MICAL3: variants seen among roughly 807,000 people sequenced by gnomAD.
MICAL3 encodes microtubule associated monooxygenase, calponin and LIM domain containing 3, also known as [F-actin]-monooxygenase MICAL3.
A neutral mutation model predicts 207.4 loss-of-function variants in MICAL3; 62 were observed. That is an observed-to-expected ratio of 0.30 (90% confidence interval 0.24 to 0.37). The LOEUF (loss-of-function observed/expected upper bound fraction) is 0.37. MICAL3 is among the 10% of genes least tolerant of loss of function. MICAL3 has a pLI of 1.00. For missense variants in MICAL3, 2,368 were observed against 2,635.6 expected (o/e 0.90, Z 2.22); for synonymous variants, 1,077 against 1,069.3 (o/e 1.01, Z -0.14).
chr22:18,021,388 C>A (rs933831127), intron 1 of MICAL3, among the ~76,000 whole-genome samples: 17 of 152,208 alleles, frequency 1.1e-4, no homozygotes, highest in Admixed American at 2.6e-4. Flanking sequence ...ATCCTTCATG[C>A]AGAACTAGTC....
intron 22 of MICAL3, among the ~76,000 whole-genome samples, chr22:17,825,352 G>A (rs1056955644): frequency 6.6e-6 from 1 of 152,124 alleles, no homozygotes; most frequent in Non-Finnish European, 1.5e-5. Flanking sequence ...TGAAATTCAG[G>A]TTAAGACGGA....
intron 1 of MICAL3, among the ~76,000 whole-genome samples, chr22:18,012,713 T>C (rs185628089): frequency 1.1e-3 from 168 of 152,366 alleles, no homozygotes; most frequent in Middle Eastern, 6.8e-3. Flanking sequence ...CGAAGAATGC[T>C]GAGCTAGGAT....
chr22:17,890,824 G>A (rs1415129682), intron 12 of MICAL3, among the ~76,000 whole-genome samples: 1 of 152,192 alleles, frequency 6.6e-6, no homozygotes, highest in East Asian at 1.9e-4. Flanking sequence ...AACAAATGCC[G>A]ATGGGGGAAC....
At chr22:17,990,577 G>C (rs202133737) in intron 1 of MICAL3, among the ~76,000 whole-genome samples, 1 of 152,114 alleles carries the variant, frequency 6.6e-6, no homozygotes, top group South Asian at 2.1e-4. Context: ...ACACACTCCC[G>C]GTCACACACT....
intron 16 of MICAL3, among the ~76,000 whole-genome samples, chr22:17,874,055 G>A (rs896880185): frequency 7.2e-5 from 11 of 152,226 alleles, no homozygotes; most frequent in African/African-American, 2.7e-4. Flanking sequence ...AAGAAACACA[G>A]AAGCACCGGG....
chr22:18,001,919 C>G (rs1602387085), intron 1 of MICAL3, among the ~76,000 whole-genome samples: 1 of 152,182 alleles, frequency 6.6e-6, no homozygotes, highest in African/African-American at 2.4e-5. Context: ...ACTTGTTGGC[C>G]GGGCGCGGTG....
intron 1 of MICAL3, chr22:18,019,387 A>T (rs1177178789): frequency 6.5e-6 from 1 of 154,962 alleles, no homozygotes; most frequent in East Asian, 1.9e-4. Context: ...GAAATAAGAA[A>T]GACCTGCATA....
chr22:17,990,413 C>T (rs867650168), intron 1 of MICAL3, among the ~76,000 whole-genome samples: 1 of 152,180 alleles, frequency 6.6e-6, no homozygotes, highest in Admixed American at 6.5e-5. Flanking sequence ...TCATGAGCAC[C>T]AGTCAGTGAC....
At chr22:17,869,898 C>T (rs866580158) in intron 17 of MICAL3, among the ~76,000 whole-genome samples, 2 of 152,156 alleles carry the variant, frequency 1.3e-5, no homozygotes, top group South Asian at 2.1e-4. Context: ...CAGCACAAGG[C>T]CTCGGTTACT....
chr22:17,874,574 G>GC (rs777122406), intron 16 of MICAL3, among the ~76,000 whole-genome samples: 1 of 152,206 alleles, frequency 6.6e-6, no homozygotes, highest in Non-Finnish European at 1.5e-5. Context: ...CAGCAAGTTG[G>GC]CAACACTGAC....
intron 20 of MICAL3, among the ~76,000 whole-genome samples, chr22:17,835,196 A>T (rs1359697135): frequency 6.6e-6 from 1 of 151,562 alleles, no homozygotes. Context: ...CACAGAAGAC[A>T]GCAGAAAGCA....
intron 1 of MICAL3, among the ~76,000 whole-genome samples, chr22:17,973,542 G>A (rs936220955): frequency 5.3e-5 from 8 of 152,182 alleles, no homozygotes; most frequent in African/African-American, 1.9e-4. Flanking sequence ...CTGTGGAACC[G>A]GGGTGGCAGT....
At chr22:17,820,045 T>C (rs752440389) in intron 25 of MICAL3, among the ~76,000 whole-genome samples, 5 of 150,510 alleles carry the variant, frequency 3.3e-5, no homozygotes, top group African/African-American at 4.9e-5. Context: ...GGCAGGAGGA[T>C]TGCTTGAGCC....
chr22:17,801,357 T>G lies in MICAL3; in HGVS notation c.5650+7487A>C, dbSNP rs376040149. On this transcript the variant is annotated intron_variant, in intron 29 of 31. Coordinates refer to ENST00000441493, the MANE Select transcript of MICAL3 (RefSeq NM_015241.3). ...TTTAGTAGAGACGGGGTTTCACCGTTTTAGCCGGGATGGTCTCGATCTCCT... is the reference window on the plus strand; with the variant it reads ...TTTAGTAGAGACGGGGTTTCACCGTGTTAGCCGGGATGGTCTCGATCTCCT... Among the ~76,000 whole-genome samples, 360 of 61,574 alleles carry G rather than the reference T, an allele frequency of 5.8e-3. 53 individuals are homozygous for G. The highest frequency in any genetic ancestry group is 7.1e-3 in the Non-Finnish European group (253 of 35,856). 40.4% of individuals were successfully genotyped at this position (61,574 alleles called of 152,430 possible).
intron 1 of MICAL3, among the ~76,000 whole-genome samples, chr22:17,962,349 C>A (rs963226238): frequency 6.6e-6 from 1 of 152,218 alleles, no homozygotes; most frequent in East Asian, 1.9e-4. Flanking sequence ...ACAGTGCCAC[C>A]GGAGGCACGC....
chr22:17,838,653 G>A (rs1602018821), intron 20 of MICAL3, among the ~76,000 whole-genome samples: 4 of 152,344 alleles, frequency 2.6e-5, no homozygotes, highest in South Asian at 4.1e-4. Flanking sequence ...GGCTTTGTTT[G>A]ACTCCAAAGT....
At chr22:17,866,613 C>CAGAAT (rs60628065) in intron 17 of MICAL3, among the ~76,000 whole-genome samples, 17,208 of 136,188 alleles carry the variant, frequency 0.13, 1,228 homozygotes, top group South Asian at 0.17. Flanking sequence ...TAGAACAGAA[C>CAGAAT]AGAATAGAAT....
chr22:17,994,266 G>A (rs979304935), intron 1 of MICAL3, among the ~76,000 whole-genome samples: 1 of 152,128 alleles, frequency 6.6e-6, no homozygotes, highest in African/African-American at 2.4e-5. Context: ...TGTGGGCTGG[G>A]GACAGTCCAC....
intron 1 of MICAL3, among the ~76,000 whole-genome samples, chr22:17,924,031 A>G (rs1400568045): frequency 6.6e-6 from 1 of 152,194 alleles, no homozygotes; most frequent in African/African-American, 2.4e-5. Flanking sequence ...GAGGGAGAGA[A>G]GCCCCTTATA....
Sources: allele counts gnomAD v4.1 joint callset (sites outside exome capture counted in the v4.1 genomes callset), GRCh38; gene constraint gnomAD v4.1.1; transcripts MANE v1.5; gene names NCBI Gene and HGNC (gene_info 2026-07-23, HGNC 2026-07-21).